TACC2: variants seen among roughly 807,000 people sequenced by gnomAD.
The protein encoded by TACC2 is transforming acidic coiled-coil-containing protein 2.
Under a neutral mutation model 227.3 loss-of-function variants are expected in TACC2, and 137 were observed. That is an observed-to-expected ratio of 0.60 (90% confidence interval 0.52 to 0.69). TACC2 has a LOEUF of 0.69. Among genes scored for constraint, TACC2 ranks in the 30% least tolerant of loss-of-function variants. The pLI, the probability that TACC2 is intolerant of heterozygous loss-of-function variation, is 0.00. For synonymous variants in TACC2, 1,523 were observed against 1,487.5 expected (o/e 1.02, Z -0.55); for missense variants, 3,470 against 3,694.4 (o/e 0.94, Z 1.57).
chr10:122,192,906 T>C, intron 7 of TACC2: 1 of 388,672 alleles, frequency 2.6e-6, no homozygotes, highest in South Asian at 1.8e-5. Flanking sequence ...CACCCAGGGC[T>C]CGCCAGGCTG....
At chr10:122,124,774 C>T (rs1219721772) in intron 5 of TACC2, among the ~76,000 whole-genome samples, 1 of 152,170 alleles carries the variant, frequency 6.6e-6, no homozygotes, top group East Asian at 1.9e-4. Context: ...TTCCATGTTC[C>T]CTTTCCCCGA....
chr10:122,192,632 G>A (rs1442485708), intron 7 of TACC2: 1 of 452,858 alleles, frequency 2.2e-6, no homozygotes, highest in Admixed American at 2.4e-5. Flanking sequence ...ACGAGCAGGG[G>A]AATTAGGGGT....
intron 7 of TACC2, among the ~76,000 whole-genome samples, chr10:122,185,893 A>G (rs1309231075): frequency 6.6e-6 from 1 of 152,154 alleles, no homozygotes; most frequent in African/African-American, 2.4e-5. Context: ...ATTCAGTTTT[A>G]TATTCTTTTC....
chr10:122,195,741 G>A (rs954456834), intron 8 of TACC2, among the ~76,000 whole-genome samples: 3 of 152,046 alleles, frequency 2.0e-5, no homozygotes, highest in South Asian at 2.1e-4. Flanking sequence ...AATAGATCTC[G>A]TCCCCACCCC....
At chr10:122,013,508 A>C (rs3750842) in intron 1 of TACC2, among the ~76,000 whole-genome samples, 17,598 of 152,204 alleles carry the variant, frequency 0.12, 1,190 homozygotes, top group East Asian at 0.19. Context: ...AAAGAAGCTG[A>C]GGTCTCCTGA....
Position 122,087,680 on chromosome 10 carries a change from C to T in TACC2, c.5180C>T (p.Ala1727Val). 1.2e-6 allele frequency: 2 copies of T among 1,613,350 alleles called. No homozygotes were observed. The highest frequency in any genetic ancestry group is 1.7e-6 in the Non-Finnish European group (2 of 1,179,982). The change falls in exon 4 of 23, where the codon GCA becomes GTA. Residue 1727 changes from alanine (A) to valine (V), a missense_variant. Around this residue, in one of 10 missense-constraint regions of TACC2, gnomAD observed 1,924 missense variants for 1,978.3 expected, o/e 0.97. Coordinates refer to ENST00000369005, the MANE Select transcript of TACC2 (RefSeq NM_206862.4). The stretch of plus-strand genomic sequence containing the variant: ...TGTGCGTCCGGTGATCTGCCTGAAG[C>T]AGGTACTACGAGGACATTCTCCGTT... ...QACASGDLPE[A>V]GTTRTFSVVA...
Position 122,050,494 on chromosome 10 carries a change from T to C in TACC2, c.90T>C (p.Asn30=). ...CGCAGCCACCCGGGAACAGTCAGAA[T>C]ATAAAAAGGAAGCAGCAGGACACGC... ...RSAQPPGNSQ[N]IKRKQQDTPG... Residue 30 remains asparagine (N), a synonymous_variant, in exon 3 of 23, where the codon AAT becomes AAC. Coordinates refer to ENST00000369005, the MANE Select transcript of TACC2 (RefSeq NM_206862.4). The surrounding 1 kb of genome is among the most constrained non-coding windows in gnomAD (Gnocchi z 4.6). The C allele has an allele frequency of 6.2e-7, 1 of 1,614,056 alleles. No individual in the cohort carries two copies. Among genetic ancestry groups the C allele is most frequent in the South Asian group, 1.1e-5 (1 of 91,074 alleles).
intron 3 of TACC2, among the ~76,000 whole-genome samples, chr10:122,067,752 C>T (rs868593228): frequency 1.3e-5 from 2 of 152,112 alleles, no homozygotes; most frequent in South Asian, 2.1e-4. Flanking sequence ...GTGATCCACC[C>T]GCCTTGGCCT....
chr10:122,156,706 C>G (rs2092506231), intron 7 of TACC2, among the ~76,000 whole-genome samples: 1 of 152,214 alleles, frequency 6.6e-6, no homozygotes, highest in Admixed American at 6.5e-5. Flanking sequence ...GAGCAATTCT[C>G]TGGTGTCACT....
At chr10:122,008,571 T>G (rs924951278) in intron 1 of TACC2, among the ~76,000 whole-genome samples, 6 of 151,106 alleles carry the variant, frequency 4.0e-5, no homozygotes. Flanking sequence ...TATTATTATT[T>G]TTTAACCTTT....
In TACC2 at chr10:122,229,287, A is replaced by G. The variant is rs541067940; in HGVS notation, c.7897-59A>G. ...GCTGCATGGCCCTTGCTTGGAATCA[A>G]TATCACTCTCTGTTCTCCTCTATTT... On this transcript the variant is annotated intron_variant, in intron 14 of 22. Coordinates refer to ENST00000369005, the MANE Select transcript of TACC2 (RefSeq NM_206862.4). The G allele has an allele frequency of 1.1e-5, 17 of 1,602,618 alleles. No homozygotes were observed. The East Asian group carries it at 2.7e-4, about 25-fold the overall frequency.
At chr10:122,106,289 CT>C (rs1323054151) in intron 5 of TACC2, among the ~76,000 whole-genome samples, 1 of 152,104 alleles carries the variant, frequency 6.6e-6, no homozygotes, top group Non-Finnish European at 1.5e-5. Flanking sequence ...CGCCCGGCCC[CT>C]GTCTTAAACA....
intron 19 of TACC2, chr10:122,248,057 C>G (rs1034369170): frequency 6.5e-6 from 1 of 153,246 alleles, no homozygotes; most frequent in Non-Finnish European, 1.5e-5. Context: ...CTAACCTTGA[C>G]GGAAATAGCT....
At chr10:122,122,006 G>T (rs972723387) in intron 5 of TACC2, among the ~76,000 whole-genome samples, 2 of 152,192 alleles carry the variant, frequency 1.3e-5, no homozygotes, top group Admixed American at 1.3e-4. Context: ...CTCGCCATGG[G>T]TCTCTTTGCC....
intron 4 of TACC2, 93 bp downstream of exon 4, chr10:122,088,052 G>A: frequency 7.4e-7 from 1 of 1,353,774 alleles, no homozygotes. Flanking sequence ...ATAGGTGAGT[G>A]GTTTTCTAAA....
rs968145929 is a variant in TACC2 at position 122,177,925 on chromosome 10, T to G, written c.5835-17115T>G. ...ACCCTGGATTTACCCTGGGTTCAGG[T>G]GTCAGTAAGCAAGTCTGCCAAGATC... is the stretch of plus-strand genomic sequence containing the variant. On this transcript the variant is annotated intron_variant, in intron 7 of 22. Transcript: ENST00000369005. Among the ~76,000 whole-genome samples, 13 of 152,160 alleles carry G rather than the reference T, an allele frequency of 8.5e-5. No homozygotes were observed. In the East Asian group the frequency reaches 2.3e-3, roughly 27 times the overall value.
In TACC2 at chr10:122,117,047, T is replaced by G. The variant is rs559692617; in HGVS notation, c.5574-15562T>G. ...TACTTTTATTGTAATGATTTAAATT[T>G]GTTACAGTATTTCATATATATTCAA... On this transcript the variant is annotated intron_variant, in intron 5 of 22. Transcript: ENST00000369005. Among the ~76,000 whole-genome samples, 253 of 152,228 alleles carry G rather than the reference T, an allele frequency of 1.7e-3. 1 individual carries two copies. Among genetic ancestry groups the G allele is most frequent in the Middle Eastern group, 3.4e-3 (1 of 294 alleles).
chr10:121,998,490 T>A (rs1231194115), intron 1 of TACC2, among the ~76,000 whole-genome samples: 1 of 152,164 alleles, frequency 6.6e-6, no homozygotes, highest in Non-Finnish European at 1.5e-5. Context: ...TTTGTTCCTG[T>A]TATTCTATCT....
At chr10:122,196,254 C>G (rs572571176) in intron 8 of TACC2, among the ~76,000 whole-genome samples, 5 of 152,284 alleles carry the variant, frequency 3.3e-5, no homozygotes, top group African/African-American at 4.8e-5. Flanking sequence ...TCGAGCAGCC[C>G]GTTGTTTTGG....
Sources: allele counts gnomAD v4.1 joint callset (sites outside exome capture counted in the v4.1 genomes callset), GRCh38; gene constraint gnomAD v4.1.1; regional missense constraint gnomAD v4.1.1; non-coding constraint Gnocchi (gnomAD v3.1); transcripts MANE v1.5; gene names NCBI Gene and HGNC (gene_info 2026-07-23, HGNC 2026-07-21).